The following SGSM2 variants were observed in gnomAD, a reference collection of about 807,000 sequenced individuals.
SGSM2 encodes the protein RUN and TBC1 domain containing 1.
In SGSM2, 89 loss-of-function variants were observed where a neutral mutation model predicts 126.6. The observed-to-expected ratio is 0.70, with a 90% CI of 0.59 to 0.84. SGSM2 has a LOEUF of 0.84. SGSM2 is among the 40% of genes least tolerant of loss of function. The probability of loss-of-function intolerance (pLI) is 0.00; values close to 1 mark genes in which losing one functional copy is unlikely to be tolerated. For missense variants in SGSM2, 1,404 were observed against 1,416.6 expected (o/e 0.99, Z 0.14); for synonymous variants, 614 against 574.3 (o/e 1.07, Z -0.99).
rs776465047 is a variant in SGSM2 at position 2,365,264 on chromosome 17, A to G, written c.1211A>G (p.Asp404Gly). The change falls in exon 11 of 24, where the codon GAT becomes GGT. Residue 404 changes from aspartate to glycine, a missense_variant. Transcript: ENST00000268989. ...LRKRSSIRSVDMEEMGTGRAT... is the reference protein window; with the variant it reads ...LRKRSSIRSVGMEEMGTGRAT... ...AAACGAAGCAGCATTCGCTCCGTGG[A>G]TATGGAGGAGATGGGCACGGGGCGG... 1 of 1,610,734 alleles carries G rather than the reference A, an allele frequency of 6.2e-7. No individual in the cohort carries two copies. The highest frequency in any genetic ancestry group is 8.5e-7 in the Non-Finnish European group (1 of 1,178,456).
chr17:2,371,947 G>A (rs1451716209), intron 13 of SGSM2: 6 of 546,422 alleles, frequency 1.1e-5, no homozygotes, highest in Non-Finnish European at 1.6e-5. Flanking sequence ...GAAGATTCAT[G>A]TAGGTGAAGT....
At chr17:2,353,143 GTC>G (rs2064942589) in intron 2 of SGSM2, among the ~76,000 whole-genome samples, 1 of 152,120 alleles carries the variant, frequency 6.6e-6, no homozygotes, top group Non-Finnish European at 1.5e-5. Flanking sequence ...ACCTTAGCTT[GTC>G]TCAGCCCTCT....
At chr17:2,377,197 T>G in intron 21 of SGSM2, 129 bp downstream of exon 21, 1 of 658,310 alleles carries the variant, frequency 1.5e-6, no homozygotes, top group East Asian at 2.8e-5. Flanking sequence ...TTAAAAGACA[T>G]GGTTTCAGCA....
At position 2,372,550 on chromosome 17, in the gene SGSM2, T is replaced by C. The variant is rs3213713; in HGVS notation, c.1788+62T>C. 187,458 of 1,568,930 alleles carry C rather than the reference T, an allele frequency of 0.12. 18,117 individuals are homozygous for C. Among genetic ancestry groups the C allele is most frequent in the African/African-American group, 0.51 (37,356 of 73,412 alleles). On this transcript the variant is annotated intron_variant, in intron 15 of 23. Transcript: ENST00000268989. The surrounding 1 kb of genome is among the most constrained non-coding windows in gnomAD (Gnocchi z 6.0). ...GGCTGGGGCGGGCAGGAGTGAGGGC[T>C]TCAGGGTAAAATGTGCCAGTGGGTG...
chr17:2,362,376 CA>C lies in SGSM2; in HGVS notation c.458+111del. On this transcript the variant is annotated intron_variant, in intron 4 of 23. Coordinates refer to ENST00000268989, the MANE Select transcript of SGSM2 (RefSeq NM_014853.3). This position sits in a 1 kb window ranked among gnomAD's most constrained non-coding sequence, Gnocchi z 4.9. ...AACTGCAGGTGACCGCCCCGTTCCCCAAAAACTGCAGGTGACCGCCCCGTTC... is the reference window on the plus strand; with the variant it reads ...AACTGCAGGTGACCGCCCCGTTCCCCAAAACTGCAGGTGACCGCCCCGTTC... 8.4e-7 allele frequency: 1 copy of C among 1,186,476 alleles called. No individual in the cohort carries two copies. Among genetic ancestry groups the C allele is most frequent in the Non-Finnish European group, 1.2e-6 (1 of 854,904 alleles). The allele number at this position is 1,186,476 out of a possible 1,614,324, so 73.5% of individuals were successfully genotyped here.
chr17:2,380,436 G>A lies in SGSM2; in HGVS notation c.*916G>A, dbSNP rs924058921. 37 of 833,774 alleles carry A rather than the reference G, an allele frequency of 4.4e-5. No homozygotes were observed. Among genetic ancestry groups the A allele is most frequent in the East Asian group, 3.2e-4 (12 of 37,784 alleles). The allele number at this position is 833,774 out of a possible 1,614,324, so 51.6% of individuals were successfully genotyped here. On this transcript the variant is annotated 3_prime_UTR_variant, in exon 24 of 24. Coordinates refer to ENST00000268989, the MANE Select transcript of SGSM2 (RefSeq NM_014853.3). The stretch of plus-strand genomic sequence containing the variant: ...GTTCGAGGGCAGCCCATTATCTGTC[G>A]CAGACATCTGCCATGTCCCTGAGAC...
At position 2,337,673 on chromosome 17, in the gene SGSM2, C is replaced by T. The variant is rs746860587; in HGVS notation, c.-16C>T. 5 of 1,471,208 alleles carry T rather than the reference C, an allele frequency of 3.4e-6. No individual in the cohort carries two copies. In the Admixed American group the frequency reaches 6.4e-5, roughly 19 times the overall value. 91.1% of individuals were successfully genotyped at this position (1,471,208 alleles called of 1,614,324 possible). On this transcript the variant is annotated 5_prime_UTR_variant, in exon 1 of 24. Coordinates refer to ENST00000268989, the MANE Select transcript of SGSM2 (RefSeq NM_014853.3). The surrounding 1 kb of genome is among the most constrained non-coding windows in gnomAD (Gnocchi z 5.1). ...GGGGGCTCTGAGGACCGCTCGGCGC[C>T]GCCTCCTGCCACACCATGGGCAGCG...
chr17:2,352,145 T>G (rs1183094059), intron 2 of SGSM2, among the ~76,000 whole-genome samples: 4 of 152,194 alleles, frequency 2.6e-5, no homozygotes, highest in African/African-American at 4.8e-5. Flanking sequence ...ACTTGATGCT[T>G]CTTCTCCTTC....
At chr17:2,339,906 C>T (rs1006298559) in intron 1 of SGSM2, among the ~76,000 whole-genome samples, 20 of 151,952 alleles carry the variant, frequency 1.3e-4, no homozygotes, top group African/African-American at 4.4e-4. Context: ...TTTCTTAGGC[C>T]AGGGGTGTAT....
intron 9 of SGSM2, 114 bp from the exon 10 acceptor site, chr17:2,364,783 C>T: frequency 6.4e-7 from 1 of 1,560,094 alleles, no homozygotes; most frequent in Non-Finnish European, 8.7e-7. Context: ...AATGGGGCTC[C>T]CAGGCCATGC....
chr17:2,353,307 G>C (rs2064953246), intron 2 of SGSM2, among the ~76,000 whole-genome samples: 1 of 152,102 alleles, frequency 6.6e-6, no homozygotes, highest in South Asian at 2.1e-4. Flanking sequence ...GGGCGACCCA[G>C]CCTTCCTGGG....
At chr17:2,351,419 G>A (rs1171596219) in intron 2 of SGSM2, among the ~76,000 whole-genome samples, 2 of 152,158 alleles carry the variant, frequency 1.3e-5, no homozygotes, top group African/African-American at 2.4e-5. Flanking sequence ...TCTGGTCATT[G>A]AACTGTGGGC....
intron 2 of SGSM2, among the ~76,000 whole-genome samples, chr17:2,343,832 C>G (rs991901519): frequency 6.6e-6 from 1 of 152,086 alleles, no homozygotes; most frequent in African/African-American, 2.4e-5. Flanking sequence ...ATTTTTTGTT[C>G]CCCAGGATAG....
chr17:2,352,370 G>T (rs1253763500), intron 2 of SGSM2, among the ~76,000 whole-genome samples: 1 of 152,188 alleles, frequency 6.6e-6, no homozygotes, highest in Non-Finnish European at 1.5e-5. Flanking sequence ...GCACTTCCTC[G>T]CTTGGGTTCT....
chr17:2,340,801 G>A (rs981666723), intron 1 of SGSM2, among the ~76,000 whole-genome samples: 6 of 152,046 alleles, frequency 3.9e-5, no homozygotes, highest in Middle Eastern at 3.4e-3. Context: ...AGCCAGGATG[G>A]TCTCGATCTC....
chr17:2,372,267 C>A lies in SGSM2; in HGVS notation c.1642+13C>A, dbSNP rs368736195. 2 of 1,612,622 alleles carry A rather than the reference C, an allele frequency of 1.2e-6. No individual in the cohort carries two copies. Among genetic ancestry groups the A allele is most frequent in the East Asian group, 4.5e-5 (2 of 44,854 alleles). ...GCCTTCTACGGCTGTGAGTGTGGGG[C>A]GCGCCGGGCTGTGGCGGGCTGGGGG... On this transcript the variant is annotated intron_variant, in intron 14 of 23. Coordinates refer to ENST00000268989, the MANE Select transcript of SGSM2 (RefSeq NM_014853.3). This position sits in a 1 kb window ranked among gnomAD's most constrained non-coding sequence, Gnocchi z 6.0.
In SGSM2 at chr17:2,375,580, G is replaced by A; in HGVS notation, c.2189G>A (p.Gly730Glu). The A allele has an allele frequency of 6.2e-7, 1 of 1,613,910 alleles. No homozygotes were observed. Among genetic ancestry groups the A allele is most frequent in the Non-Finnish European group, 8.5e-7 (1 of 1,180,012 alleles). ...AAACCTGAGCAGGAAGCAGGACCCG[G>A]GACTCCGGGCACCGCCGTGGTGGAG... ...RPKPEQEAGP[G>E]TPGTAVVEQQ... Residue 730 changes from glycine (G) to glutamate (E), a missense_variant, in exon 18 of 24, where the codon GGG becomes GAG. By Grantham distance (98) the Gly-to-Glu change is moderately conservative. Transcript: ENST00000268989.
At chr17:2,375,209 C>T (rs1374819231) in intron 17 of SGSM2, 1 of 343,790 alleles carries the variant, frequency 2.9e-6, no homozygotes, top group East Asian at 4.9e-5. Context: ...CGTTCAGCCC[C>T]CTGGCTCCCC....
In SGSM2 at chr17:2,372,620, G is replaced by A. The variant is rs965498422; in HGVS notation, c.1788+132G>A. 1.2e-5 allele frequency: 16 copies of A among 1,297,658 alleles called. No individual in the cohort carries two copies. The highest frequency in any genetic ancestry group is 7.6e-5 in the East Asian group (3 of 39,716). 80.4% of individuals were successfully genotyped at this position (1,297,658 alleles called of 1,614,324 possible). ...GATGCCACGGAGTGACCAGGGTCCC[G>A]GCAGAATCTCTTGCAGCTGGGCCTG... On this transcript the variant is annotated intron_variant, in intron 15 of 23. Coordinates refer to ENST00000268989, the MANE Select transcript of SGSM2 (RefSeq NM_014853.3). This position sits in a 1 kb window ranked among gnomAD's most constrained non-coding sequence, Gnocchi z 6.0.
Sources: allele counts gnomAD v4.1 joint callset (sites outside exome capture counted in the v4.1 genomes callset), GRCh38; gene constraint gnomAD v4.1.1; non-coding constraint Gnocchi (gnomAD v3.1); transcripts MANE v1.5; gene names NCBI Gene and HGNC (gene_info 2026-07-23, HGNC 2026-07-21).